Variants in USP13 observed in about 807,000 individuals in gnomAD.
USP13 encodes ubiquitin specific peptidase 13.
A neutral mutation model predicts 107.8 loss-of-function variants in USP13; 68 were observed. The ratio of observed to expected loss-of-function variants is 0.63; its 90% confidence interval spans 0.52 to 0.77. The LOEUF is 0.77. USP13 is among the 30% of genes least tolerant of loss of function. The probability of loss-of-function intolerance (pLI) is 0.00; values close to 1 mark genes in which losing one functional copy is unlikely to be tolerated. For missense variants in USP13, 945 were observed against 1,093.3 expected (o/e 0.86, Z 1.91); for synonymous variants, 377 against 389.5 (o/e 0.97, Z 0.38).
chr3:179,780,689 C>T (rs755238207), intron 19 of USP13, among the ~76,000 whole-genome samples: 6 of 152,100 alleles, frequency 3.9e-5, no homozygotes, highest in Non-Finnish European at 5.9e-5. Context: ...GAATGTGATG[C>T]TGCTGAAGAG....
chr3:179,691,862 C>T (rs1054057392), intron 3 of USP13, among the ~76,000 whole-genome samples: 3 of 152,118 alleles, frequency 2.0e-5, no homozygotes, highest in Admixed American at 2.0e-4. Context: ...TCATATTAAG[C>T]TTCTGATATG....
At chr3:179,759,086 ATTC>A (rs1714914902) in intron 16 of USP13, among the ~76,000 whole-genome samples, 1 of 151,956 alleles carries the variant, frequency 6.6e-6, no homozygotes, top group Non-Finnish European at 1.5e-5. Flanking sequence ...GGTTCAAGCA[ATTC>A]TTCTGCCTCA....
chr3:179,762,589 A>G (rs116369200), intron 17 of USP13, among the ~76,000 whole-genome samples: 2,256 of 152,244 alleles, frequency 0.015, 35 homozygotes, highest in Middle Eastern at 0.065. Flanking sequence ...TAAAATAATA[A>G]TAATAATAAC....
intron 1 of USP13, among the ~76,000 whole-genome samples, chr3:179,661,026 C>T (rs961751425): frequency 2.1e-4 from 32 of 152,182 alleles, no homozygotes; most frequent in Admixed American, 1.6e-3. Context: ...AAATTTAAAA[C>T]AATTTGAACA....
intron 13 of USP13, 90 bp downstream of exon 13, chr3:179,745,307 G>C (rs1028112838): frequency 6.9e-7 from 1 of 1,455,336 alleles, no homozygotes; most frequent in African/African-American, 1.4e-5. Flanking sequence ...GGTGTTATTT[G>C]TGTCTGTGTG....
At chr3:179,675,491 T>TA (rs1484362699) in intron 1 of USP13, among the ~76,000 whole-genome samples, 2 of 151,494 alleles carry the variant, frequency 1.3e-5, no homozygotes. Context: ...ATTAATATTT[T>TA]AAAAAAATTT....
rs1291741732 is a variant in USP13, at chr3:179,789,243, A to T, written c.*5102A>T. 2 of 152,090 alleles carry T rather than the reference A, an allele frequency of 1.3e-5. No individual in the cohort carries two copies. The highest frequency in any genetic ancestry group is 2.9e-5 in the Non-Finnish European group (2 of 68,018). 9.4% of individuals were successfully genotyped at this position (152,090 alleles called of 1,614,324 possible). ...GTGCCCACCTGTCCAGCAGGTTTTGATGTTGGCTCCTGAAAGAGTTTGTAT... is the reference window on the plus strand; with the variant it reads ...GTGCCCACCTGTCCAGCAGGTTTTGTTGTTGGCTCCTGAAAGAGTTTGTAT... On this transcript the variant is annotated 3_prime_UTR_variant, in exon 21 of 21. Coordinates refer to ENST00000263966, the MANE Select transcript of USP13 (RefSeq NM_003940.3).
At chr3:179,725,909 G>T (rs927508141) in intron 8 of USP13, among the ~76,000 whole-genome samples, 1 of 152,134 alleles carries the variant, frequency 6.6e-6, no homozygotes, top group Non-Finnish European at 1.5e-5. Flanking sequence ...ACGAGAACAG[G>T]ATGGAAAGAC....
At chr3:179,756,580 C>CA (rs1714808881) in intron 15 of USP13, among the ~76,000 whole-genome samples, 1 of 151,914 alleles carries the variant, frequency 6.6e-6, no homozygotes, top group Non-Finnish European at 1.5e-5. Context: ...ACTGTCTCTA[C>CA]AAAAAATAAA....
At chr3:179,709,109 T>G (rs1712832564) in intron 6 of USP13, 152 bp downstream of exon 6, 1 of 921,800 alleles carries the variant, frequency 1.1e-6, no homozygotes, top group Admixed American at 2.9e-5. Flanking sequence ...TTTGAGGTCT[T>G]GGGCAAGTTT....
chr3:179,730,219 C>T lies in USP13; in HGVS notation c.1119C>T (p.Asp373=). 1 of 1,613,584 alleles carries T rather than the reference C, an allele frequency of 6.2e-7. No homozygotes were observed. The highest frequency in any genetic ancestry group is 8.5e-7 in the Non-Finnish European group (1 of 1,179,880). The change falls in exon 9 of 21, where the codon GAC becomes GAT. Residue 373 remains aspartate, a synonymous_variant. Transcript: ENST00000263966. ...TAGGAAACCTTCCCAGAATATTTGA[C>T]TACTCGCCTTTAGATCCAACACAAG... ...AYVGNLPRIF[D]YSPLDPTQDF...
intron 6 of USP13, among the ~76,000 whole-genome samples, chr3:179,709,342 T>C (rs1194418486): frequency 6.6e-6 from 1 of 152,170 alleles, no homozygotes; most frequent in Non-Finnish European, 1.5e-5. Context: ...AGTCTACTGT[T>C]AGAACAGCAG....
Position 179,784,246 on chromosome 3 carries a change from T to C in USP13, c.*105T>C. The stretch of plus-strand genomic sequence containing the variant: ...AAACAACTAGACATGAAGGAATATA[T>C]GGGGTATTTATCGTTTATTTAAAGA... On this transcript the variant is annotated 3_prime_UTR_variant, in exon 21 of 21. Coordinates refer to ENST00000263966, the MANE Select transcript of USP13 (RefSeq NM_003940.3). 2.5e-6 allele frequency: 2 copies of C among 803,298 alleles called. No homozygotes were observed. The highest frequency in any genetic ancestry group is 2.0e-6 in the Non-Finnish European group (1 of 491,752). 49.8% of individuals were successfully genotyped at this position (803,298 alleles called of 1,614,324 possible).
At chr3:179,741,736 G>A (rs1329280145) in intron 11 of USP13, among the ~76,000 whole-genome samples, 1 of 152,190 alleles carries the variant, frequency 6.6e-6, no homozygotes, top group African/African-American at 2.4e-5. Context: ...ATGCTCTTCT[G>A]TAAGCAGTGT....
intron 15 of USP13, 92 bp downstream of exon 15, chr3:179,754,946 C>T (rs1714737583): frequency 1.4e-6 from 2 of 1,460,190 alleles, no homozygotes; most frequent in Non-Finnish European, 1.8e-6. Context: ...GCTGCTACCA[C>T]CACCACCCAT....
intron 8 of USP13, among the ~76,000 whole-genome samples, chr3:179,722,861 T>G (rs1451459649): frequency 6.6e-6 from 1 of 152,148 alleles, no homozygotes; most frequent in East Asian, 1.9e-4. Flanking sequence ...AGGCACTGAT[T>G]TAGGTGCTCC....
intron 1 of USP13, among the ~76,000 whole-genome samples, chr3:179,671,670 T>C (rs73052579): frequency 0.15 from 22,679 of 152,196 alleles, 2,194 homozygotes; most frequent in African/African-American, 0.27. Context: ...ATAAATTATT[T>C]GGCAAATCTG....
intron 14 of USP13, among the ~76,000 whole-genome samples, chr3:179,752,958 G>A (rs574646531): frequency 9.2e-5 from 14 of 152,292 alleles, no homozygotes; most frequent in Non-Finnish European, 1.6e-4. Context: ...GGCTTTCTTC[G>A]TGCTAATTTT....
intron 4 of USP13, among the ~76,000 whole-genome samples, chr3:179,702,494 C>T (rs779051548): frequency 2.0e-5 from 3 of 152,152 alleles, no homozygotes; most frequent in Non-Finnish European, 4.4e-5. Flanking sequence ...GTCTTCTGGA[C>T]GTTGCATGAC....
Sources: allele counts gnomAD v4.1 joint callset (sites outside exome capture counted in the v4.1 genomes callset), GRCh38; gene constraint gnomAD v4.1.1; transcripts MANE v1.5; gene names NCBI Gene and HGNC (gene_info 2026-07-23, HGNC 2026-07-21).